SLC71A1: variants seen among roughly 807,000 people sequenced by gnomAD.
SLC71A1 encodes solute carrier family 71 member 1.
At chr1:100,075,086 C>T in the SLC71A1 span, among the ~76,000 whole-genome samples, 9 of 152,160 alleles carry the variant, frequency 5.9e-5, no homozygotes, top group Admixed American at 2.6e-4. Flanking sequence ...ATGAGATGAC[C>T]GCATTTTATA....
At chr1:100,067,072 A>C in the SLC71A1 span, among the ~76,000 whole-genome samples, 1 of 150,888 alleles carries the variant, frequency 6.6e-6, no homozygotes, top group African/African-American at 2.4e-5. Flanking sequence ...TTCTGGCTTC[A>C]CGCAGTCCTC....
the SLC71A1 span, chr1:100,038,356 C>T: frequency 3.3e-6 from 5 of 1,508,138 alleles, no homozygotes; most frequent in Non-Finnish European, 3.6e-6. Flanking sequence ...CCTCGGGGCC[C>T]CCATCCGGTC....
chr1:100,047,623 T>C, the SLC71A1 span, among the ~76,000 whole-genome samples: 3 of 152,166 alleles, frequency 2.0e-5, no homozygotes, highest in African/African-American at 7.2e-5. Flanking sequence ...GGTTTCTTCA[T>C]GTTGGTCAGG....
the SLC71A1 span, among the ~76,000 whole-genome samples, chr1:100,046,212 GTTTTTTTTT>G: frequency 3.7e-4 from 20 of 54,112 alleles, no homozygotes; most frequent in South Asian, 8.0e-4. Flanking sequence ...TCCAAGCCTC[GTTTTTTTTT>G]TTTTTTTTTT....
At chr1:100,061,511 A>G in the SLC71A1 span, among the ~76,000 whole-genome samples, 18 of 152,182 alleles carry the variant, frequency 1.2e-4, no homozygotes, top group African/African-American at 3.9e-4. Flanking sequence ...GATGGATTAT[A>G]ATAGACTTTA....
chr1:100,040,189 A>C, the SLC71A1 span, among the ~76,000 whole-genome samples: 3 of 152,216 alleles, frequency 2.0e-5, no homozygotes, highest in Admixed American at 2.0e-4. Flanking sequence ...CACAGGGCCT[A>C]GTATGTGAAT....
At chr1:100,068,463 C>A in the SLC71A1 span, 1 of 1,557,464 alleles carries the variant, frequency 6.4e-7, no homozygotes. Context: ...CAGTCTTTTT[C>A]TTGTTCTAGT....
chr1:100,070,068 A>T, the SLC71A1 span, among the ~76,000 whole-genome samples: 2 of 152,198 alleles, frequency 1.3e-5, no homozygotes. Context: ...TGTAGAGTTT[A>T]CATTCTGGTG....
the SLC71A1 span, chr1:100,043,251 A>G: frequency 1.7e-5 from 15 of 908,552 alleles, no homozygotes; most frequent in Non-Finnish European, 2.0e-5. Flanking sequence ...ACAAGTCTGT[A>G]TGATTTAAAA....
chr1:100,074,728 T>C, the SLC71A1 span, among the ~76,000 whole-genome samples: 1 of 148,850 alleles, frequency 6.7e-6, no homozygotes, highest in African/African-American at 2.5e-5. Context: ...AATACAAAAA[T>C]TAGCAGGCAT....
chr1:100,041,972 T>C, the SLC71A1 span, among the ~76,000 whole-genome samples: 1 of 152,096 alleles, frequency 6.6e-6, no homozygotes, highest in Non-Finnish European at 1.5e-5. Flanking sequence ...GTATGTAACA[T>C]TCAGTGTAGG....
At chr1:100,080,952 A>C in the SLC71A1 span, among the ~76,000 whole-genome samples, 1 of 152,228 alleles carries the variant, frequency 6.6e-6, no homozygotes, top group East Asian at 1.9e-4. Context: ...CTAATATCAC[A>C]GTTGTGTATG....
At chr1:100,038,683 TTCGCCGCCAGGCCCCGCGGAGCCG>T in the SLC71A1 span, among the ~76,000 whole-genome samples, 9 of 152,178 alleles carry the variant, frequency 5.9e-5, no homozygotes, top group East Asian at 3.9e-4. Flanking sequence ...TCGCCTCGCC[TTCGCCGCCAGGCCCCGCGGAGCCG>T]TCGCCGCGCT....
At chr1:100,061,439 T>C in the SLC71A1 span, among the ~76,000 whole-genome samples, 1 of 152,200 alleles carries the variant, frequency 6.6e-6, no homozygotes, top group East Asian at 1.9e-4. Flanking sequence ...AAGAAACTTG[T>C]TCCTCAGTCT....
At chr1:100,064,563 A>T in the SLC71A1 span, among the ~76,000 whole-genome samples, 1 of 152,200 alleles carries the variant, frequency 6.6e-6, no homozygotes, top group Non-Finnish European at 1.5e-5. Flanking sequence ...CAAGCAACCA[A>T]CAATTTAGCT....
At chr1:100,065,235 G>A in the SLC71A1 span, among the ~76,000 whole-genome samples, 2 of 152,124 alleles carry the variant, frequency 1.3e-5, no homozygotes, top group Non-Finnish European at 2.9e-5. Flanking sequence ...ACATTTGATT[G>A]ATAGCTAGAT....
At chr1:100,071,335 G>C in the SLC71A1 span, among the ~76,000 whole-genome samples, 9 of 147,452 alleles carry the variant, frequency 6.1e-5, no homozygotes, top group African/African-American at 2.0e-4. Context: ...GCCCGGTGTG[G>C]TGGTGTGTGC....
the SLC71A1 span, chr1:100,069,829 G>A: frequency 4.7e-6 from 3 of 644,064 alleles, no homozygotes; most frequent in Admixed American, 2.8e-5. Context: ...ATTTGTTTGT[G>A]TAGCTAGTGT....
the SLC71A1 span, chr1:100,068,158 G>A: frequency 1.2e-6 from 2 of 1,614,102 alleles, no homozygotes; most frequent in Non-Finnish European, 1.7e-6. Context: ...GCATCCTGGG[G>A]AGCACCCATT....
Sources: allele counts gnomAD v4.1 joint callset (sites outside exome capture counted in the v4.1 genomes callset), GRCh38; gene constraint gnomAD v4.1.1; transcripts MANE v1.5; gene names NCBI Gene and HGNC (gene_info 2026-07-23, HGNC 2026-07-21).